Variants in ERC2 observed in about 807,000 individuals in gnomAD.
ERC2 encodes the protein ERC protein 2.
In ERC2, 42 loss-of-function variants were observed where a neutral mutation model predicts 114.8. The ratio of observed to expected loss-of-function variants is 0.37; its 90% confidence interval spans 0.29 to 0.47. The LOEUF is 0.47. ERC2 is among the 20% of genes least tolerant of loss of function. The pLI is 0.99. For missense variants in ERC2, 939 were observed against 1,150.7 expected, an observed-to-expected ratio of 0.82 and a Z score of 2.66; for synonymous variants, 454 against 425.5, an observed-to-expected ratio of 1.07 and a Z score of -0.82.
chr3:56,243,188 T>C (rs1187429582), intron 3 of ERC2, among the ~76,000 whole-genome samples: 1 of 152,150 alleles, frequency 6.6e-6, no homozygotes, highest in Non-Finnish European at 1.5e-5. Flanking sequence ...CACCTAGCAG[T>C]AATTTCAAGG....
At chr3:56,380,984 T>TC (rs1331909354) in intron 2 of ERC2, among the ~76,000 whole-genome samples, 1 of 152,174 alleles carries the variant, frequency 6.6e-6, no homozygotes, top group Non-Finnish European at 1.5e-5. Context: ...GAAAAACACT[T>TC]CCATTTGCGT....
rs1052217258 is a variant in ERC2 at position 56,296,577 on chromosome 3, G to C, written c.658-142C>G. The C allele has an allele frequency of 2.1e-5, 17 of 816,524 alleles. No homozygotes were observed. The Admixed American group carries it at 4.9e-4, about 24-fold the overall frequency. 50.6% of individuals were successfully genotyped at this position (816,524 alleles called of 1,614,324 possible). A position where few individuals can be genotyped will look rare whatever the true frequency, so the allele number is the denominator to read the frequency against. On this transcript the variant is annotated intron_variant, in intron 2 of 17. Coordinates refer to ENST00000288221, the MANE Select transcript of ERC2 (RefSeq NM_015576.3). ...GAGGGCCAGCCATGAATTCCTCCAC[G>C]GTGACTTCAGAAGCATGGGACAGCA...
intron 14 of ERC2, among the ~76,000 whole-genome samples, chr3:55,823,666 G>A (rs1406783603): frequency 1.3e-5 from 2 of 152,112 alleles, no homozygotes; most frequent in Non-Finnish European, 2.9e-5. Context: ...GGGGACACAG[G>A]GTATGGCAGA....
At chr3:55,729,722 C>T (rs1340727064) in intron 15 of ERC2, among the ~76,000 whole-genome samples, 2 of 149,704 alleles carry the variant, frequency 1.3e-5, no homozygotes, top group Non-Finnish European at 3.0e-5. Flanking sequence ...GCTGTAGTCC[C>T]AGCTACTGGG....
At chr3:56,352,792 G>C (rs1444883782) in intron 2 of ERC2, among the ~76,000 whole-genome samples, 2 of 152,136 alleles carry the variant, frequency 1.3e-5, no homozygotes, top group African/African-American at 4.8e-5. Context: ...TCAGTACTTT[G>C]CAGACTGCCA....
At chr3:56,196,795 T>C (rs1321724932) in intron 3 of ERC2, among the ~76,000 whole-genome samples, 1 of 152,086 alleles carries the variant, frequency 6.6e-6, no homozygotes, top group Non-Finnish European at 1.5e-5. Context: ...TCATGAGCCA[T>C]ATGTTAGAAA....
At chr3:56,406,199 T>G (rs1158699615) in intron 2 of ERC2, among the ~76,000 whole-genome samples, 1 of 152,190 alleles carries the variant, frequency 6.6e-6, no homozygotes, top group Non-Finnish European at 1.5e-5. Context: ...AGCCACGATA[T>G]GAACATTTTT....
chr3:56,415,883 A>G (rs1386388214), intron 2 of ERC2, among the ~76,000 whole-genome samples: 1 of 152,206 alleles, frequency 6.6e-6, no homozygotes, highest in African/African-American at 2.4e-5. Flanking sequence ...GCCTGCTTCA[A>G]CTACATCTGC....
intron 13 of ERC2, among the ~76,000 whole-genome samples, chr3:55,908,617 G>C (rs7636557): frequency 0.62 from 94,464 of 151,888 alleles, 30,219 homozygotes; most frequent in Non-Finnish European, 0.67. Flanking sequence ...AGAAGAGCAG[G>C]CAGCTGGCCG....
In ERC2 at chr3:56,329,867, A is replaced by G. The variant is rs367725601; in HGVS notation, c.658-33432T>C. ...CACTATATGTATTTCCACCATATAT[A>G]TATTTCCACTATATATATTTCCACT... On this transcript the variant is annotated intron_variant, in intron 2 of 17. Transcript: ENST00000288221. Among the ~76,000 whole-genome samples the G allele has an allele frequency of 3.4e-4, 50 of 145,924 alleles. No individual in the cohort carries two copies. The East Asian group carries it at 4.5e-3, about 13-fold the overall frequency.
At chr3:56,353,949 C>T (rs1001454822) in intron 2 of ERC2, among the ~76,000 whole-genome samples, 1 of 151,722 alleles carries the variant, frequency 6.6e-6, no homozygotes, top group African/African-American at 2.4e-5. Flanking sequence ...CATATTATTC[C>T]AATTTTACCA....
chr3:55,630,484 A>T (rs372442783), intron 17 of ERC2, among the ~76,000 whole-genome samples: 17 of 152,268 alleles, frequency 1.1e-4, no homozygotes, highest in African/African-American at 4.1e-4. Context: ...GACAGTTTTT[A>T]TACTTCCTTA....
At chr3:55,967,356 A>G (rs1467525626) in intron 12 of ERC2, among the ~76,000 whole-genome samples, 1 of 152,232 alleles carries the variant, frequency 6.6e-6, no homozygotes, top group Non-Finnish European at 1.5e-5. Flanking sequence ...TTAAGATTCA[A>G]GATAAAGCAG....
At chr3:55,712,491 T>C (rs1273851075) in intron 15 of ERC2, among the ~76,000 whole-genome samples, 1 of 152,224 alleles carries the variant, frequency 6.6e-6, no homozygotes, top group Non-Finnish European at 1.5e-5. Flanking sequence ...TTTACTTCTC[T>C]GCAGAAGATT....
chr3:56,272,099 A>G (rs993187434), intron 3 of ERC2, among the ~76,000 whole-genome samples: 20 of 152,148 alleles, frequency 1.3e-4, no homozygotes, highest in African/African-American at 4.8e-4. Flanking sequence ...TTACCTCCAG[A>G]TCTAACAATT....
chr3:56,407,999 G>A (rs914023444), intron 2 of ERC2, among the ~76,000 whole-genome samples: 1 of 152,170 alleles, frequency 6.6e-6, no homozygotes, highest in Admixed American at 6.5e-5. Context: ...AGCCAAAGGA[G>A]GTCCCTGCAT....
chr3:55,778,094 T>A (rs954241128), intron 14 of ERC2, among the ~76,000 whole-genome samples: 28 of 152,218 alleles, frequency 1.8e-4, no homozygotes, highest in African/African-American at 6.3e-4. Context: ...TTTAAAAAAA[T>A]TTTTTTCACA....
chr3:55,855,815 G>A (rs1490379194), intron 14 of ERC2, among the ~76,000 whole-genome samples: 1 of 152,180 alleles, frequency 6.6e-6, no homozygotes, highest in African/African-American at 2.4e-5. Context: ...CCCTTCCCAT[G>A]GGACTCATAC....
intron 7 of ERC2, among the ~76,000 whole-genome samples, chr3:56,038,177 T>C (rs2074923956): frequency 1.3e-5 from 2 of 152,140 alleles, no homozygotes; most frequent in African/African-American, 4.8e-5. Flanking sequence ...TTTTGCAATC[T>C]ATCCATATGG....
Sources: gnomAD v4.1 joint callset for allele counts (sites outside exome capture counted in the v4.1 genomes callset) on GRCh38, gnomAD v4.1.1 for gene constraint, MANE v1.5 for transcripts, NCBI Gene and HGNC (gene_info 2026-07-23, HGNC 2026-07-21) for gene names.